Variants in PLCB4 observed in about 807,000 individuals in gnomAD.
PLCB4 encodes 1-phosphatidylinositol 4,5-bisphosphate phosphodiesterase beta-4.
In PLCB4, 77 loss-of-function variants were observed where a neutral mutation model predicts 178.8. The observed-to-expected ratio is 0.43, with a 90% CI of 0.36 to 0.52. PLCB4 has a LOEUF of 0.52. Ranked by LOEUF, PLCB4 falls within the 20% of genes least tolerant of loss-of-function variation. The pLI, the probability that PLCB4 is intolerant of heterozygous loss-of-function variation, is 0.00. For synonymous variants in PLCB4, 496 were observed against 490.8 expected, an observed-to-expected ratio of 1.01 and a Z score of -0.14; for missense variants, 1,024 against 1,453.4, an observed-to-expected ratio of 0.70 and a Z score of 4.80.
At position 9,302,287 on chromosome 20, in the gene PLCB4, T is replaced by A. The variant is rs548976584; in HGVS notation, c.-15-5513T>A. Among the ~76,000 whole-genome samples, 23 of 152,284 alleles carry A rather than the reference T, an allele frequency of 1.5e-4. No individual in the cohort carries two copies. The South Asian group carries it at 4.8e-3, about 32-fold the overall frequency. ...TCTTTTAAAAAGAAGTAACTGTCCC[T>A]TTAACATTCTCTGCAGTCACTGGGA... On this transcript the variant is annotated intron_variant, in intron 3 of 39. Coordinates refer to ENST00000378473, the MANE Select transcript of PLCB4 (RefSeq NM_001377142.1).
chr20:9,119,755 C>A (rs1020490390), intron 2 of PLCB4, among the ~76,000 whole-genome samples: 1 of 152,190 alleles, frequency 6.6e-6, no homozygotes, highest in African/African-American at 2.4e-5. Flanking sequence ...CAACCATCTG[C>A]TAGTGTTTAC....
chr20:9,160,458 A>G (rs970566384), intron 2 of PLCB4, among the ~76,000 whole-genome samples: 2 of 152,198 alleles, frequency 1.3e-5, no homozygotes, highest in Admixed American at 6.5e-5. Context: ...ACAGAGTTAA[A>G]TTGGGCAGCT....
At chr20:9,396,038 G>A (rs544420560) in intron 19 of PLCB4, among the ~76,000 whole-genome samples, 5 of 152,252 alleles carry the variant, frequency 3.3e-5, no homozygotes, top group African/African-American at 4.8e-5. Context: ...TAATAATGCC[G>A]TTTTAATTCC....
chr20:9,465,182 A>T (rs975247727), intron 35 of PLCB4, among the ~76,000 whole-genome samples: 1 of 152,238 alleles, frequency 6.6e-6, no homozygotes, highest in African/African-American at 2.4e-5. Context: ...CCAATAACAA[A>T]AACCACATGA....
chr20:9,442,977 A>G (rs985395120), intron 30 of PLCB4, among the ~76,000 whole-genome samples: 8 of 152,190 alleles, frequency 5.3e-5, no homozygotes, highest in Non-Finnish European at 1.2e-4. Flanking sequence ...ATGGAAATCA[A>G]TTACAGCACA....
intron 2 of PLCB4, among the ~76,000 whole-genome samples, chr20:9,123,721 T>C (rs1199947111): frequency 1.3e-5 from 2 of 152,058 alleles, no homozygotes; most frequent in African/African-American, 2.4e-5. Context: ...AGTAGGTAGA[T>C]AGGTAGTTGT....
At chr20:9,265,562 T>C (rs1015114456) in intron 3 of PLCB4, among the ~76,000 whole-genome samples, 1 of 151,922 alleles carries the variant, frequency 6.6e-6, no homozygotes, top group African/African-American at 2.4e-5. Flanking sequence ...ACTCCTGGGG[T>C]CACAACAAAA....
chr20:9,469,653 A>G lies in PLCB4; in HGVS notation c.3350+981A>G, dbSNP rs185205442. On this transcript the variant is annotated intron_variant, in intron 36 of 39. Transcript: ENST00000378473. ...GTAACCTCAAATAAAAAATTCCACC[A>G]CAGATTTGTCCCTCTTTGAAGCAAG... 7.2e-5 allele frequency among the ~76,000 whole-genome samples: 11 copies of G among 152,304 alleles called. No individual in the cohort carries two copies. The East Asian group carries it at 1.9e-3, about 27-fold the overall frequency.
intron 9 of PLCB4, among the ~76,000 whole-genome samples, chr20:9,366,593 G>A (rs1404082076): frequency 1.3e-5 from 2 of 152,172 alleles, no homozygotes; most frequent in Middle Eastern, 3.4e-3. Flanking sequence ...GGGTACAGTT[G>A]GAAACTCTTT....
chr20:9,363,366 T>A (rs1456842877), intron 8 of PLCB4, among the ~76,000 whole-genome samples: 4 of 151,830 alleles, frequency 2.6e-5, no homozygotes, highest in Non-Finnish European at 4.4e-5. Context: ...AAATGAGGAG[T>A]GTGACCAAGA....
intron 3 of PLCB4, among the ~76,000 whole-genome samples, chr20:9,278,763 C>G (rs935045926): frequency 6.6e-6 from 1 of 152,044 alleles, no homozygotes; most frequent in African/African-American, 2.4e-5. Context: ...ACTGTGAGTA[C>G]ATGATGGCAG....
intron 3 of PLCB4, among the ~76,000 whole-genome samples, chr20:9,284,976 A>G (rs2094524454): frequency 6.6e-6 from 1 of 151,960 alleles, no homozygotes; most frequent in Non-Finnish European, 1.5e-5. Flanking sequence ...TCACAGGACT[A>G]TAAATGAGAG....
At chr20:9,340,382 T>C (rs2148079685) in intron 7 of PLCB4, among the ~76,000 whole-genome samples, 1 of 152,282 alleles carries the variant, frequency 6.6e-6, no homozygotes, top group East Asian at 1.9e-4. Flanking sequence ...CACCCAGATG[T>C]TCTGATCCTG....
rs556957622 is a variant in PLCB4, at chr20:9,258,094, A to G, written c.-16+40642A>G. 2.6e-4 allele frequency among the ~76,000 whole-genome samples: 40 copies of G among 152,230 alleles called. 1 individual carries two copies. The highest frequency in any genetic ancestry group is 7.0e-4 in the African/African-American group (29 of 41,544). On this transcript the variant is annotated intron_variant, in intron 3 of 39. Transcript: ENST00000378473. ...GGTCCTACATCTTCTAATAGAGGGG[A>G]AAAAAAGTGGAGGAAATAAAGATGC...
chr20:9,444,109 A>G, intron 31 of PLCB4, 69 bp from the exon 32 acceptor site: 1 of 1,427,874 alleles, frequency 7.0e-7, no homozygotes, highest in East Asian at 2.3e-5. Flanking sequence ...TTTCTCACCA[A>G]GTGTAATCAT....
intron 2 of PLCB4, among the ~76,000 whole-genome samples, chr20:9,110,250 A>G (rs907200277): frequency 1.3e-5 from 2 of 152,168 alleles, no homozygotes; most frequent in African/African-American, 4.8e-5. Context: ...AGAAATGCCA[A>G]AAATATATTT....
chr20:9,301,168 C>T (rs1194752310), intron 3 of PLCB4, among the ~76,000 whole-genome samples: 3 of 151,772 alleles, frequency 2.0e-5, no homozygotes, highest in African/African-American at 7.3e-5. Context: ...AGAATAATCT[C>T]CCCATCTCAA....
intron 8 of PLCB4, among the ~76,000 whole-genome samples, chr20:9,364,341 C>T (rs1195315245): frequency 1.3e-5 from 2 of 152,196 alleles, no homozygotes; most frequent in African/African-American, 2.4e-5. Context: ...TGCCCAGATC[C>T]CTTTATGAAG....
intron 36 of PLCB4, among the ~76,000 whole-genome samples, chr20:9,472,284 T>C (rs2044244101): frequency 6.6e-6 from 1 of 152,204 alleles, no homozygotes; most frequent in Non-Finnish European, 1.5e-5. Flanking sequence ...CCAGGCCCAC[T>C]GGATCAAAGT....
Sources: allele counts gnomAD v4.1 joint callset (sites outside exome capture counted in the v4.1 genomes callset), GRCh38; gene constraint gnomAD v4.1.1; transcripts MANE v1.5; gene names NCBI Gene and HGNC (gene_info 2026-07-23, HGNC 2026-07-21).